Variants in ZDHHC21 observed in about 807,000 individuals in gnomAD.
ZDHHC21 encodes the protein zDHHC palmitoyltransferase 21, also known as palmitoyltransferase ZDHHC21.
In ZDHHC21, 15 loss-of-function variants were observed where a neutral mutation model predicts 34.6. The observed-to-expected ratio is 0.43, with a 90% CI of 0.29 to 0.67. ZDHHC21 has a LOEUF of 0.67. ZDHHC21 is among the 30% of genes least tolerant of loss of function. The pLI is 0.14. For synonymous variants in ZDHHC21, 142 were observed against 101.8 expected (o/e 1.40, Z -2.38); for missense variants, 344 against 327.7 (o/e 1.05, Z -0.38).
At chr9:14,678,528 G>C in intron 3 of ZDHHC21, among the ~76,000 whole-genome samples, 1 of 152,056 alleles carries the variant, frequency 6.6e-6, no homozygotes. Context: ...GATATCCAAT[G>C]TTAAGAGGGC....
At chr9:14,684,783 C>T (rs9765077) in intron 2 of ZDHHC21, among the ~76,000 whole-genome samples, 142,175 of 152,192 alleles carry the variant, frequency 0.93, 66,478 homozygotes, top group Non-Finnish European at 0.96. Context: ...GGAGGCATCA[C>T]GCTACCTGAC....
At chr9:14,604,728 C>T in the ZDHHC21 span, among the ~76,000 whole-genome samples, 1 of 152,032 alleles carries the variant, frequency 6.6e-6, no homozygotes, top group Non-Finnish European at 1.5e-5. Context: ...GAGATCAATC[C>T]TCTTAGTAAA....
At chr9:14,661,976 G>C (rs967073992) in intron 6 of ZDHHC21, among the ~76,000 whole-genome samples, 1 of 151,540 alleles carries the variant, frequency 6.6e-6, no homozygotes, top group Non-Finnish European at 1.5e-5. Flanking sequence ...TTGTATATCA[G>C]GCTGCAGTTA....
intron 7 of ZDHHC21, among the ~76,000 whole-genome samples, chr9:14,642,199 G>T (rs1053342059): frequency 6.6e-6 from 1 of 152,058 alleles, no homozygotes; most frequent in African/African-American, 2.4e-5. Context: ...TCTAGAAATT[G>T]CTTTTTATCA....
chr9:14,651,573 T>C (rs527428728), intron 7 of ZDHHC21, among the ~76,000 whole-genome samples: 1 of 152,048 alleles, frequency 6.6e-6, no homozygotes, highest in African/African-American at 2.4e-5. Context: ...CATTTTCCAC[T>C]AATCCAAGTA....
intron 7 of ZDHHC21, among the ~76,000 whole-genome samples, chr9:14,643,949 C>T (rs1179451188): frequency 2.6e-5 from 4 of 152,200 alleles, no homozygotes; most frequent in African/African-American, 9.6e-5. Context: ...TCCCATCTTA[C>T]TCTTTTGCAA....
the ZDHHC21 span, among the ~76,000 whole-genome samples, chr9:14,600,044 A>G: frequency 1.3e-5 from 2 of 152,222 alleles, no homozygotes; most frequent in African/African-American, 4.8e-5. Context: ...ACCACAGCCA[A>G]TATCATGCTG....
intron 8 of ZDHHC21, among the ~76,000 whole-genome samples, chr9:14,637,857 A>G (rs1828585772): frequency 6.6e-6 from 1 of 152,118 alleles, no homozygotes; most frequent in South Asian, 2.1e-4. Context: ...AAAACTGCAA[A>G]GCACTGATGA....
At chr9:14,623,156 C>CAAA (rs200679461) in intron 8 of ZDHHC21, among the ~76,000 whole-genome samples, 7,743 of 139,612 alleles carry the variant, frequency 0.055, 685 homozygotes, top group African/African-American at 0.19. Context: ...AAGGCAACAA[C>CAAA]AAAAAAAAAA....
chr9:14,685,625 C>T (rs1009905116), intron 2 of ZDHHC21, among the ~76,000 whole-genome samples: 2 of 152,170 alleles, frequency 1.3e-5, no homozygotes, highest in Non-Finnish European at 2.9e-5. Context: ...ACTAGTTCAA[C>T]CATTGTGGAA....
chr9:14,687,958 C>A (rs1838588713), intron 2 of ZDHHC21, among the ~76,000 whole-genome samples: 1 of 150,630 alleles, frequency 6.6e-6, no homozygotes, highest in Non-Finnish European at 1.5e-5. Flanking sequence ...CAGCTGTAAA[C>A]GTATTTATAA....
chr9:14,671,353 G>A lies in ZDHHC21; in HGVS notation c.253+1477C>T, dbSNP rs565054600. Among the ~76,000 whole-genome samples the A allele has an allele frequency of 6.6e-5, 10 of 152,122 alleles. 1 individual carries two copies. The South Asian group carries it at 2.1e-3, about 32-fold the overall frequency. The stretch of plus-strand genomic sequence containing the variant: ...TTAAAATCACTATGTAATGCTTTGA[G>A]AAGAAAAACATTACTTGAAATTACC... On this transcript the variant is annotated intron_variant, in intron 5 of 9. Transcript: ENST00000380916.
the ZDHHC21 span, among the ~76,000 whole-genome samples, chr9:14,604,834 C>T: frequency 6.6e-6 from 1 of 152,064 alleles, no homozygotes; most frequent in Non-Finnish European, 1.5e-5. Context: ...TTTTTAAACT[C>T]GCGTGACAGA....
chr9:14,639,760 C>T (rs902647705), intron 8 of ZDHHC21, 136 bp downstream of exon 8: 1 of 496,974 alleles, frequency 2.0e-6, no homozygotes, highest in Admixed American at 3.6e-5. Context: ...TTTAAAATTA[C>T]ATAGGCACAT....
intron 6 of ZDHHC21, 22 bp from the exon 7 acceptor site, chr9:14,658,909 G>T: frequency 6.3e-7 from 1 of 1,590,590 alleles, no homozygotes; most frequent in Non-Finnish European, 8.5e-7. Flanking sequence ...AAATGAAAAA[G>T]AAACAATATT....
intron 6 of ZDHHC21, among the ~76,000 whole-genome samples, chr9:14,660,175 G>A (rs545896271): frequency 6.6e-6 from 1 of 151,970 alleles, no homozygotes; most frequent in African/African-American, 2.4e-5. Flanking sequence ...AGACCAGCCT[G>A]GCCAACATGG....
At chr9:14,689,975 C>A (rs756899902) in intron 2 of ZDHHC21, among the ~76,000 whole-genome samples, 2 of 152,056 alleles carry the variant, frequency 1.3e-5, no homozygotes, top group African/African-American at 4.8e-5. Flanking sequence ...CAAAAGGTCT[C>A]TGTGGGAATT....
intron 2 of ZDHHC21, among the ~76,000 whole-genome samples, chr9:14,689,263 C>G (rs1379897463): frequency 2.6e-5 from 4 of 151,974 alleles, no homozygotes; most frequent in African/African-American, 9.7e-5. Flanking sequence ...AACTGAAGCC[C>G]CTAAACTAAA....
intron 8 of ZDHHC21, among the ~76,000 whole-genome samples, chr9:14,621,192 A>C (rs1404428236): frequency 6.6e-6 from 1 of 152,098 alleles, no homozygotes; most frequent in Non-Finnish European, 1.5e-5. Context: ...AAGCTGAAAT[A>C]GAATAGCTAT....
Sources: allele counts gnomAD v4.1 joint callset (sites outside exome capture counted in the v4.1 genomes callset), GRCh38; gene constraint gnomAD v4.1.1; transcripts MANE v1.5; gene names NCBI Gene and HGNC (gene_info 2026-07-23, HGNC 2026-07-21).